TMEM132C: variants seen among roughly 807,000 people sequenced by gnomAD.
The protein encoded by TMEM132C is protein phosphatase 1, regulatory subunit 152.
TMEM132C carries 29 observed loss-of-function variants against 61.4 expected under a neutral mutation model. The observed-to-expected ratio is 0.47, with a 90% CI of 0.35 to 0.64. The LOEUF (loss-of-function observed/expected upper bound fraction) is 0.64. TMEM132C is among the 30% of genes least tolerant of loss of function. The probability of loss-of-function intolerance (pLI) is 0.00; values close to 1 mark genes in which losing one functional copy is unlikely to be tolerated. For missense variants in TMEM132C, 1,408 were observed against 1,476.9 expected (o/e 0.95, Z 0.76); for synonymous variants, 656 against 633.1 (o/e 1.04, Z -0.54).
chr12:128,559,981 C>T (rs1267401026), intron 3 of TMEM132C, among the ~76,000 whole-genome samples: 2 of 152,236 alleles, frequency 1.3e-5, no homozygotes, highest in African/African-American at 4.8e-5. Flanking sequence ...GGCATGGTGG[C>T]TCATGCCTAT....
intron 2 of TMEM132C, among the ~76,000 whole-genome samples, chr12:128,511,799 C>T (rs1388804184): frequency 6.6e-6 from 1 of 152,192 alleles, no homozygotes; most frequent in Non-Finnish European, 1.5e-5. Context: ...TGGTGAGGAG[C>T]AGAGGCCCCA....
At chr12:128,624,383 A>G (rs1421754054) in intron 4 of TMEM132C, among the ~76,000 whole-genome samples, 1 of 151,964 alleles carries the variant, frequency 6.6e-6, no homozygotes, top group African/African-American at 2.4e-5. Flanking sequence ...GTCTCTACTA[A>G]AAATACAAAA....
intron 1 of TMEM132C, among the ~76,000 whole-genome samples, chr12:128,398,208 A>T (rs562400282): frequency 6.6e-6 from 1 of 152,232 alleles, no homozygotes; most frequent in African/African-American, 2.4e-5. Context: ...GCACTGCTGG[A>T]TTCAGGGGCT....
chr12:128,639,440 T>C (rs1391345075), intron 4 of TMEM132C, among the ~76,000 whole-genome samples: 1 of 150,224 alleles, frequency 6.7e-6, no homozygotes, highest in East Asian at 1.9e-4. Context: ...AGAATGATGG[T>C]GATGATAATC....
intron 5 of TMEM132C, among the ~76,000 whole-genome samples, chr12:128,684,867 G>A (rs1319414873): frequency 6.6e-6 from 1 of 152,184 alleles, no homozygotes; most frequent in Non-Finnish European, 1.5e-5. Flanking sequence ...AGTAATGAGA[G>A]AGACCTCCTT....
intron 1 of TMEM132C, among the ~76,000 whole-genome samples, chr12:128,378,154 G>A (rs1028107452): frequency 3.4e-5 from 5 of 148,894 alleles, no homozygotes; most frequent in African/African-American, 4.9e-5. Context: ...TCGCTCTGTC[G>A]CCCAGGCTGG....
At chr12:128,331,738 G>A (rs1387836016) in intron 1 of TMEM132C, among the ~76,000 whole-genome samples, 2 of 152,218 alleles carry the variant, frequency 1.3e-5, no homozygotes, top group Non-Finnish European at 2.9e-5. Flanking sequence ...ACATACCAGT[G>A]TAGGTATCTT....
At chr12:128,676,395 G>A (rs180798842) in intron 5 of TMEM132C, among the ~76,000 whole-genome samples, 125 of 149,548 alleles carry the variant, frequency 8.4e-4, no homozygotes, top group Non-Finnish European at 1.4e-3. Context: ...ATTTTTGTAG[G>A]CTTTTTAATC....
intron 3 of TMEM132C, among the ~76,000 whole-genome samples, chr12:128,601,916 T>C (rs1329099612): frequency 6.6e-6 from 1 of 152,122 alleles, no homozygotes; most frequent in Non-Finnish European, 1.5e-5. Context: ...TTGCTTGCTC[T>C]GGGAGCAGAG....
At chr12:128,664,376 C>T (rs989523894) in intron 4 of TMEM132C, among the ~76,000 whole-genome samples, 11 of 152,172 alleles carry the variant, frequency 7.2e-5, no homozygotes, top group African/African-American at 2.4e-4. Flanking sequence ...TGGCTTTTTT[C>T]AAATTTGAAA....
At chr12:128,437,995 C>A (rs1869658266) in intron 2 of TMEM132C, 1 of 152,092 alleles carries the variant, frequency 6.6e-6, no homozygotes, top group Non-Finnish European at 1.5e-5. Context: ...AGCTTTGGTC[C>A]TTGGTTTATT....
At chr12:128,659,636 C>T (rs115909272) in intron 4 of TMEM132C, among the ~76,000 whole-genome samples, 1 of 152,162 alleles carries the variant, frequency 6.6e-6, no homozygotes, top group African/African-American at 2.4e-5. Context: ...TTGGGAGGCA[C>T]TCACAGGAAT....
At chr12:128,320,545 C>T (rs1391484822) in intron 1 of TMEM132C, among the ~76,000 whole-genome samples, 8 of 152,022 alleles carry the variant, frequency 5.3e-5, no homozygotes, top group South Asian at 4.2e-4. Context: ...GCAGGAGGAT[C>T]GCTTAAGCCC....
rs142844595 is a variant in TMEM132C, at chr12:128,431,815, C to G, written c.974+16195C>G. ...CAAGTGATTCACCTGCCTTGGCCCC[C>G]CAAAGTGCTTCGACCATCTAGCACT... is the stretch of plus-strand genomic sequence containing the variant. On this transcript the variant is annotated intron_variant, in intron 2 of 8. Transcript: ENST00000435159. Among the ~76,000 whole-genome samples the G allele has an allele frequency of 8.4e-3, 1,285 of 152,110 alleles. 19 individuals are homozygous for G. The highest frequency in any genetic ancestry group is 0.029 in the African/African-American group (1,218 of 41,484).
chr12:128,342,764 C>CCT (rs1873018089), intron 1 of TMEM132C, among the ~76,000 whole-genome samples: 5 of 152,182 alleles, frequency 3.3e-5, no homozygotes, highest in African/African-American at 1.2e-4. Context: ...CTTCTCTGCC[C>CCT]GTGGGCCCCT....
In TMEM132C at chr12:128,326,090, A is replaced by G. The variant is rs1381562535; in HGVS notation, c.85+58603A>G. On this transcript the variant is annotated intron_variant, in intron 1 of 8. Transcript: ENST00000435159. This position sits in a 1 kb window ranked among gnomAD's most constrained non-coding sequence, Gnocchi z 5.6. The stretch of plus-strand genomic sequence containing the variant: ...AACGAGTAAATGAATGAATGCATGC[A>G]TTCATGTTTCTTCAAAGATAAATAT... 2.0e-5 allele frequency among the ~76,000 whole-genome samples: 3 copies of G among 152,308 alleles called. No homozygotes were observed. Among genetic ancestry groups the G allele is most frequent in the Non-Finnish European group, 4.4e-5 (3 of 68,030 alleles).
chr12:128,573,965 G>A (rs1316432592), intron 3 of TMEM132C, among the ~76,000 whole-genome samples: 1 of 151,808 alleles, frequency 6.6e-6, no homozygotes, highest in Non-Finnish European at 1.5e-5. Flanking sequence ...CCAAAGAGGA[G>A]TGGAGAGGTT....
intron 3 of TMEM132C, among the ~76,000 whole-genome samples, chr12:128,587,787 TCTCTGTTAAATAAA>T (rs1385786852): frequency 6.6e-6 from 1 of 152,144 alleles, no homozygotes; most frequent in Admixed American, 6.5e-5. Flanking sequence ...GATATACAGT[TCTCTGTTAAATAAA>T]TGTGTGTAAG....
chr12:128,534,161 T>A (rs12316939), intron 2 of TMEM132C, among the ~76,000 whole-genome samples: 4 of 152,096 alleles, frequency 2.6e-5, no homozygotes, highest in African/African-American at 9.7e-5. Context: ...TAATCATCCC[T>A]GTGTTATACC....
Sources: allele counts gnomAD v4.1 joint callset (sites outside exome capture counted in the v4.1 genomes callset), GRCh38; gene constraint gnomAD v4.1.1; non-coding constraint Gnocchi (gnomAD v3.1); transcripts MANE v1.5; gene names NCBI Gene and HGNC (gene_info 2026-07-23, HGNC 2026-07-21).